DISC1: variants seen among roughly 807,000 people sequenced by gnomAD.
DISC1 encodes DISC1 scaffold protein, also known as disrupted in schizophrenia 1 protein.
A neutral mutation model predicts 84.5 loss-of-function variants in DISC1; 57 were observed. That is an observed-to-expected ratio of 0.67 (90% CI 0.55 to 0.84). The LOEUF (loss-of-function observed/expected upper bound fraction) is 0.84. DISC1 is among the 40% of genes least tolerant of loss of function. DISC1 has a pLI of 0.00. For missense variants in DISC1, 1,000 were observed against 1,057.8 expected (o/e 0.95, Z 0.76); for synonymous variants, 411 against 415.2 (o/e 0.99, Z 0.12).
At chr1:231,931,988 G>A (rs1259850365) in intron 9 of DISC1, among the ~76,000 whole-genome samples, 1 of 151,994 alleles carries the variant, frequency 6.6e-6, no homozygotes, top group African/African-American at 2.4e-5. Context: ...CATGGCCGTG[G>A]GGAGCCCGAC....
At chr1:231,914,160 C>T (rs967259226) in intron 9 of DISC1, among the ~76,000 whole-genome samples, 2 of 152,118 alleles carry the variant, frequency 1.3e-5, no homozygotes, top group Non-Finnish European at 2.9e-5. Flanking sequence ...TACGGCTGCC[C>T]CACCTGTGAC....
At chr1:231,857,487 G>C (rs2084352697) in intron 9 of DISC1, among the ~76,000 whole-genome samples, 1 of 152,140 alleles carries the variant, frequency 6.6e-6, no homozygotes, top group South Asian at 2.1e-4. Flanking sequence ...GTTTGTCCCA[G>C]ATCCCTGCCA....
At chr1:231,746,597 T>C (rs568128737) in intron 3 of DISC1, among the ~76,000 whole-genome samples, 1 of 152,230 alleles carries the variant, frequency 6.6e-6, no homozygotes, top group African/African-American at 2.4e-5. Context: ...TTTCTTCACA[T>C]CCTTACAAGC....
chr1:231,712,707 G>T (rs2068035418), intron 3 of DISC1, among the ~76,000 whole-genome samples: 1 of 152,166 alleles, frequency 6.6e-6, no homozygotes, highest in South Asian at 2.1e-4. Flanking sequence ...CTGTCTGGGG[G>T]CTACGTTAAG....
rs528628242 is a variant in DISC1, at chr1:231,935,818, A to G, written c.1982-23010A>G. On this transcript the variant is annotated intron_variant, in intron 9 of 12. Coordinates refer to ENST00000439617, the MANE Select transcript of DISC1 (RefSeq NM_018662.3). ...AACACTTAATAGAACACACATGCAA[A>G]ATAGAATTTTCCAGAATTTTTATTG... Among the ~76,000 whole-genome samples, 22 of 152,338 alleles carry G rather than the reference A, an allele frequency of 1.4e-4. 1 individual carries two copies. In the South Asian group the frequency reaches 4.1e-3, roughly 29 times the overall value.
intron 1 of DISC1, among the ~76,000 whole-genome samples, chr1:231,681,458 A>C (rs908816360): frequency 1.3e-5 from 2 of 151,922 alleles, no homozygotes; most frequent in Admixed American, 1.3e-4. Flanking sequence ...GAACTTCATC[A>C]GTACAAAAAA....
At chr1:232,025,209 G>C (rs914951668) in intron 11 of DISC1, among the ~76,000 whole-genome samples, 33 of 152,158 alleles carry the variant, frequency 2.2e-4, no homozygotes, top group Admixed American at 2.1e-3. Context: ...GCCTTTGAAG[G>C]AAAGGCTGGG....
chr1:231,883,411 A>G (rs2086438086), intron 9 of DISC1, among the ~76,000 whole-genome samples: 1 of 152,116 alleles, frequency 6.6e-6, no homozygotes, highest in South Asian at 2.1e-4. Flanking sequence ...GCCTAGTGAA[A>G]GGAACAGTGC....
At chr1:231,667,550 TC>T (rs1355568827) in intron 1 of DISC1, among the ~76,000 whole-genome samples, 1 of 152,216 alleles carries the variant, frequency 6.6e-6, no homozygotes, top group African/African-American at 2.4e-5. Flanking sequence ...AATTCAGCCT[TC>T]TTACTGACCA....
intron 10 of DISC1, among the ~76,000 whole-genome samples, chr1:231,976,937 G>C (rs1341516269): frequency 6.6e-6 from 1 of 152,130 alleles, no homozygotes. Flanking sequence ...GAGATTATGT[G>C]CTGTATGCCT....
intron 3 of DISC1, among the ~76,000 whole-genome samples, chr1:231,717,187 T>TAA (rs1005210289): frequency 1.3e-5 from 2 of 151,936 alleles, no homozygotes; most frequent in Non-Finnish European, 2.9e-5. Flanking sequence ...TGTGGCCCAT[T>TAA]AAAAAAAAGT....
intron 6 of DISC1, among the ~76,000 whole-genome samples, chr1:231,772,203 G>A (rs2076603548): frequency 6.6e-6 from 1 of 152,106 alleles, no homozygotes; most frequent in South Asian, 2.1e-4. Context: ...CGATCCTCCT[G>A]CCTTAGCGTC....
At chr1:231,923,936 A>G (rs561983456) in intron 9 of DISC1, among the ~76,000 whole-genome samples, 1 of 152,274 alleles carries the variant, frequency 6.6e-6, no homozygotes, top group African/African-American at 2.4e-5. Flanking sequence ...CTTAGGGGCT[A>G]TGTGCTCGGT....
chr1:231,882,990 G>T (rs2086404471), intron 9 of DISC1, among the ~76,000 whole-genome samples: 1 of 151,738 alleles, frequency 6.6e-6, no homozygotes, highest in Non-Finnish European at 1.5e-5. Flanking sequence ...GCATAAGACG[G>T]TTCTGCTCCC....
In DISC1 at chr1:231,940,760, A is replaced by T. The variant is rs112646602; in HGVS notation, c.1982-18068A>T. ...TTGTTTTAATACATGCAGTTTTCAC[A>T]TTAGCATTACCCCAAATACAATTTC... On this transcript the variant is annotated intron_variant, in intron 9 of 12. Coordinates refer to ENST00000439617, the MANE Select transcript of DISC1 (RefSeq NM_018662.3). Among the ~76,000 whole-genome samples, 226 of 152,334 alleles carry T rather than the reference A, an allele frequency of 1.5e-3. 2 individuals carry two copies. The highest frequency in any genetic ancestry group is 8.2e-3 in the Admixed American group (125 of 15,302).
At chr1:231,997,649 TG>T (rs1236141032) in intron 10 of DISC1, among the ~76,000 whole-genome samples, 1 of 151,960 alleles carries the variant, frequency 6.6e-6, no homozygotes, top group Non-Finnish European at 1.5e-5. Flanking sequence ...GTCAAGCAGA[TG>T]GCCAGGATTT....
chr1:231,668,702 A>T (rs965510767), intron 1 of DISC1, among the ~76,000 whole-genome samples: 8 of 152,206 alleles, frequency 5.3e-5, no homozygotes, highest in African/African-American at 1.9e-4. Context: ...TCTTCTAATT[A>T]TGGGGAGTGA....
rs2060186220 is a variant in DISC1, at chr1:231,646,928, C to T, written c.67+19994C>T. Among the ~76,000 whole-genome samples the T allele has an allele frequency of 2.0e-5, 3 of 151,904 alleles. No individual in the cohort carries two copies. The South Asian group carries it at 6.2e-4, about 32-fold the overall frequency. ...GCTTGTTTATTTGTTTTTTCTTGTACATTTGTTTAAGTTCTTTGTAGATTC... is the reference window on the plus strand; with the variant it reads ...GCTTGTTTATTTGTTTTTTCTTGTATATTTGTTTAAGTTCTTTGTAGATTC... On this transcript the variant is annotated intron_variant, in intron 1 of 12. Coordinates refer to ENST00000439617, the MANE Select transcript of DISC1 (RefSeq NM_018662.3).
chr1:231,970,398 A>G (rs1444414867), intron 10 of DISC1, among the ~76,000 whole-genome samples: 1 of 152,226 alleles, frequency 6.6e-6, no homozygotes, highest in Admixed American at 6.5e-5. Context: ...CCTTGGAGAA[A>G]GCAAAAATAT....
Sources: gnomAD v4.1 joint callset for allele counts (sites outside exome capture counted in the v4.1 genomes callset) on GRCh38, gnomAD v4.1.1 for gene constraint, MANE v1.5 for transcripts, NCBI Gene and HGNC (gene_info 2026-07-23, HGNC 2026-07-21) for gene names.